Variants in ENTHD1 observed in about 807,000 individuals in gnomAD.
ENTHD1 encodes the protein ENTH domain-containing protein 1.
Under a neutral mutation model 39.1 loss-of-function variants are expected in ENTHD1, and 23 were observed. The ratio of observed to expected loss-of-function variants is 0.59; its 90% CI spans 0.42 to 0.83. The LOEUF is 0.83. Ranked by LOEUF, ENTHD1 falls within the 40% of genes least tolerant of loss-of-function variation. The probability of loss-of-function intolerance (pLI) is 0.00; values close to 1 mark genes in which losing one functional copy is unlikely to be tolerated. For missense variants in ENTHD1, 624 were observed against 705.4 expected (o/e 0.88, Z 1.31); for synonymous variants, 230 against 258.2 (o/e 0.89, Z 1.05).
intron 5 of ENTHD1, among the ~76,000 whole-genome samples, chr22:39,776,495 A>G (rs1452091602): frequency 6.6e-6 from 1 of 152,196 alleles, no homozygotes; most frequent in Non-Finnish European, 1.5e-5. Flanking sequence ...TTTATCATAC[A>G]GTGCTTTTAT....
At chr22:39,865,976 C>T (rs554837694) in intron 2 of ENTHD1, among the ~76,000 whole-genome samples, 3 of 152,324 alleles carry the variant, frequency 2.0e-5, no homozygotes, top group African/African-American at 4.8e-5. Context: ...GTTATGGCCA[C>T]CAACAGCTCT....
intron 3 of ENTHD1, among the ~76,000 whole-genome samples, chr22:39,842,678 C>G (rs2146688548): frequency 6.6e-6 from 1 of 151,608 alleles, no homozygotes; most frequent in East Asian, 1.9e-4. Context: ...AGGCAACCTA[C>G]AAAATGGGAG....
rs183867822 is a variant in ENTHD1, at chr22:39,880,728, T to C, written c.349+6672A>G. Among the ~76,000 whole-genome samples, 22 of 152,338 alleles carry C rather than the reference T, an allele frequency of 1.4e-4. No homozygotes were observed. In the East Asian group the frequency reaches 4.2e-3, roughly 29 times the overall value. The stretch of plus-strand genomic sequence containing the variant: ...TCCCAGGATAGTGATCAGTATTAGT[T>C]CAGTCTCAGTCCCTTCCATCCTGCT... On this transcript the variant is annotated intron_variant, in intron 2 of 6. Transcript: ENST00000325157.
chr22:39,748,998 A>G (rs535549498), intron 6 of ENTHD1, among the ~76,000 whole-genome samples: 40 of 152,096 alleles, frequency 2.6e-4, no homozygotes, highest in Non-Finnish European at 4.3e-4. Context: ...CTATTTAGCC[A>G]CCTTTCTTTT....
intron 5 of ENTHD1, among the ~76,000 whole-genome samples, 174 bp from the exon 6 acceptor site, chr22:39,765,783 A>G (rs2065271843): frequency 6.6e-6 from 1 of 151,994 alleles, no homozygotes; most frequent in African/African-American, 2.4e-5. Flanking sequence ...AAGTACACCC[A>G]AGCTATAATT....
At chr22:39,807,295 A>C (rs771366933) in intron 5 of ENTHD1, among the ~76,000 whole-genome samples, 7 of 152,108 alleles carry the variant, frequency 4.6e-5, no homozygotes, top group Non-Finnish European at 1.0e-4. Flanking sequence ...AGACGCAATA[A>C]AAACTCCTCA....
At chr22:39,770,785 G>A (rs988870054) in intron 5 of ENTHD1, among the ~76,000 whole-genome samples, 2 of 152,162 alleles carry the variant, frequency 1.3e-5, no homozygotes, top group Non-Finnish European at 2.9e-5. Context: ...TAATTTGCCT[G>A]TACCCATGAT....
chr22:39,766,019 CAAAAAAAAAAAAAAAA>C (rs11367784), intron 5 of ENTHD1, among the ~76,000 whole-genome samples: 3 of 48,340 alleles, frequency 6.2e-5, no homozygotes, highest in South Asian at 1.4e-3. Context: ...CCCTCAGCTA[CAAAAAAAAAAAAAAAA>C]AAAAAAAAAA....
At chr22:39,795,100 C>G (rs1395365918) in intron 5 of ENTHD1, among the ~76,000 whole-genome samples, 1 of 152,096 alleles carries the variant, frequency 6.6e-6, no homozygotes, top group African/African-American at 2.4e-5. Context: ...ACTTGCATCC[C>G]TGGGATAAAT....
chr22:39,784,505 A>G (rs1477285825), intron 5 of ENTHD1, among the ~76,000 whole-genome samples: 1 of 151,362 alleles, frequency 6.6e-6, no homozygotes, highest in East Asian at 1.9e-4. Flanking sequence ...CTAAGTGCCC[A>G]CCAATGATGA....
intron 6 of ENTHD1, among the ~76,000 whole-genome samples, chr22:39,749,527 T>A (rs1400131589): frequency 6.6e-6 from 1 of 152,186 alleles, no homozygotes; most frequent in African/African-American, 2.4e-5. Flanking sequence ...TTTCTAGAAA[T>A]AATTAAAAAC....
intron 5 of ENTHD1, among the ~76,000 whole-genome samples, chr22:39,780,797 G>C (rs1254569003): frequency 6.6e-6 from 1 of 152,156 alleles, no homozygotes; most frequent in African/African-American, 2.4e-5. Context: ...AGGAGATTGA[G>C]ACCATGCTGG....
chr22:39,788,788 C>T (rs1400042515), intron 5 of ENTHD1, among the ~76,000 whole-genome samples: 2 of 152,098 alleles, frequency 1.3e-5, no homozygotes, highest in African/African-American at 2.4e-5. Flanking sequence ...CAGTAGCCAC[C>T]ATCCTGATCC....
At chr22:39,828,660 AT>A (rs1474696842) in intron 4 of ENTHD1, among the ~76,000 whole-genome samples, 9 of 152,254 alleles carry the variant, frequency 5.9e-5, no homozygotes, top group African/African-American at 1.7e-4. Flanking sequence ...ATCTGTTTCT[AT>A]GGAAACAACT....
intron 3 of ENTHD1, among the ~76,000 whole-genome samples, chr22:39,839,750 T>C (rs1341567223): frequency 6.6e-6 from 1 of 152,186 alleles, no homozygotes; most frequent in African/African-American, 2.4e-5. Context: ...TAAATTATCT[T>C]GGAAATCATA....
At chr22:39,849,371 A>G (rs902641070) in intron 3 of ENTHD1, among the ~76,000 whole-genome samples, 1 of 152,202 alleles carries the variant, frequency 6.6e-6, no homozygotes, top group Admixed American at 6.5e-5. Context: ...TGCTAATAGC[A>G]TCCAGTGGGT....
intron 5 of ENTHD1, among the ~76,000 whole-genome samples, chr22:39,781,879 C>G (rs1400066223): frequency 6.6e-6 from 1 of 152,108 alleles, no homozygotes; most frequent in Non-Finnish European, 1.5e-5. Context: ...CTATTATGAA[C>G]AACAATATGC....
At chr22:39,872,564 C>T (rs2066252493) in intron 2 of ENTHD1, among the ~76,000 whole-genome samples, 1 of 152,124 alleles carries the variant, frequency 6.6e-6, no homozygotes, top group African/African-American at 2.4e-5. Context: ...ACAGTATTTG[C>T]CTTTCATATT....
At chr22:39,806,073 CCAA>C (rs1257704545) in intron 5 of ENTHD1, among the ~76,000 whole-genome samples, 3 of 152,160 alleles carry the variant, frequency 2.0e-5, no homozygotes, top group African/African-American at 7.2e-5. Flanking sequence ...AGTGAATACC[CCAA>C]CATCTAGAAA....
Sources: allele counts gnomAD v4.1 joint callset (sites outside exome capture counted in the v4.1 genomes callset), GRCh38; gene constraint gnomAD v4.1.1; transcripts MANE v1.5; gene names NCBI Gene and HGNC (gene_info 2026-07-23, HGNC 2026-07-21).